The following SLC35D4 variants were observed in gnomAD, a reference collection of about 807,000 sequenced individuals.
SLC35D4 encodes UDP-N-acetylglucosamine transporter SLC35D4.
the SLC35D4 span, among the ~76,000 whole-genome samples, chr18:23,358,476 A>T: frequency 6.6e-6 from 1 of 152,176 alleles, no homozygotes; most frequent in Admixed American, 6.5e-5. Context: ...GTCCTCGGGA[A>T]ATCATAACCC....
the SLC35D4 span, among the ~76,000 whole-genome samples, chr18:23,263,660 C>T: frequency 6.6e-6 from 1 of 152,230 alleles, no homozygotes; most frequent in Non-Finnish European, 1.5e-5. Context: ...CTACGCTCTG[C>T]GTGTTCCTTG....
At chr18:23,301,005 C>T in the SLC35D4 span, among the ~76,000 whole-genome samples, 273 of 152,356 alleles carry the variant, frequency 1.8e-3, 1 homozygote, top group African/African-American at 6.3e-3. Flanking sequence ...GCAGGCCCTG[C>T]GCCTAATGCA....
chr18:23,354,404 C>G, the SLC35D4 span, among the ~76,000 whole-genome samples: 2 of 150,860 alleles, frequency 1.3e-5, no homozygotes, highest in African/African-American at 2.4e-5. Context: ...ACCTGTAGTC[C>G]CAGCTACTCG....
At chr18:23,408,816 C>CTTTTTTTTTTTT in the SLC35D4 span, among the ~76,000 whole-genome samples, 1 of 114,836 alleles carries the variant, frequency 8.7e-6, no homozygotes. Context: ...TCTTATCTCT[C>CTTTTTTTTTTTT]TTTTTTTTTT....
the SLC35D4 span, among the ~76,000 whole-genome samples, chr18:23,350,466 C>T: frequency 6.6e-6 from 1 of 152,138 alleles, no homozygotes; most frequent in Non-Finnish European, 1.5e-5. Flanking sequence ...CTAGCTCTTT[C>T]ACAGCTCCTC....
chr18:23,409,920 C>T, the SLC35D4 span, among the ~76,000 whole-genome samples: 1 of 150,606 alleles, frequency 6.6e-6, no homozygotes, highest in Non-Finnish European at 1.5e-5. Context: ...CCATTATTCT[C>T]TAAACAATAC....
the SLC35D4 span, among the ~76,000 whole-genome samples, chr18:23,263,286 G>A: frequency 1.3e-5 from 2 of 152,186 alleles, no homozygotes; most frequent in Non-Finnish European, 2.9e-5. Flanking sequence ...AGTTAGAGGA[G>A]GTCTTCTGAT....
chr18:23,428,048 T>A, the SLC35D4 span, among the ~76,000 whole-genome samples: 2 of 152,018 alleles, frequency 1.3e-5, no homozygotes, highest in Admixed American at 6.5e-5. Context: ...AGGGATAGCA[T>A]TAGGAGATAC....
the SLC35D4 span, among the ~76,000 whole-genome samples, chr18:23,320,482 T>C: frequency 1.3e-5 from 2 of 152,276 alleles, no homozygotes; most frequent in Admixed American, 6.5e-5. Context: ...GTTCTGTTCC[T>C]ATTATCTTTC....
chr18:23,419,460 T>C, the SLC35D4 span, among the ~76,000 whole-genome samples: 4 of 151,952 alleles, frequency 2.6e-5, no homozygotes. Context: ...GCCCAGCTAA[T>C]TGTGTATTTT....
At chr18:23,293,301 T>C in the SLC35D4 span, among the ~76,000 whole-genome samples, 1 of 152,138 alleles carries the variant, frequency 6.6e-6, no homozygotes, top group Non-Finnish European at 1.5e-5. Flanking sequence ...AGACATATCA[T>C]GGGAGCCACA....
the SLC35D4 span, among the ~76,000 whole-genome samples, chr18:23,276,934 C>T: frequency 6.6e-6 from 1 of 152,350 alleles, no homozygotes; most frequent in African/African-American, 2.4e-5. Flanking sequence ...TGCTCTGCTC[C>T]TCTTACCTTT....
the SLC35D4 span, among the ~76,000 whole-genome samples, chr18:23,336,538 A>C: frequency 6.6e-6 from 1 of 152,260 alleles, no homozygotes. Context: ...TATAAAAGTT[A>C]CATTACAGTA....
At chr18:23,292,252 G>A in the SLC35D4 span, among the ~76,000 whole-genome samples, 1 of 152,064 alleles carries the variant, frequency 6.6e-6, no homozygotes, top group Non-Finnish European at 1.5e-5. Flanking sequence ...TTCAATCTTC[G>A]AGCTCCTCAC....
the SLC35D4 span, among the ~76,000 whole-genome samples, chr18:23,341,470 C>T: frequency 5.3e-5 from 8 of 152,180 alleles, no homozygotes; most frequent in Admixed American, 1.3e-4. Context: ...GAAGGCCCCT[C>T]GGCCCCCTTA....
chr18:23,419,281 A>ATTTCTTTTT, the SLC35D4 span, among the ~76,000 whole-genome samples: 1 of 151,750 alleles, frequency 6.6e-6, no homozygotes, highest in African/African-American at 2.4e-5. Flanking sequence ...GGTCTTTAAA[A>ATTTCTTTTT]TTTCTTTTTT....
At chr18:23,428,533 T>G in the SLC35D4 span, among the ~76,000 whole-genome samples, 18 of 152,322 alleles carry the variant, frequency 1.2e-4, no homozygotes, top group East Asian at 3.5e-3. Context: ...TTTTTATGTT[T>G]TTTAGACAGG....
chr18:23,341,842 C>T, the SLC35D4 span, among the ~76,000 whole-genome samples: 10 of 152,160 alleles, frequency 6.6e-5, no homozygotes, highest in Non-Finnish European at 1.5e-4. Context: ...CATTAAACCA[C>T]AGCAGCCAAT....
the SLC35D4 span, among the ~76,000 whole-genome samples, chr18:23,393,683 T>A: frequency 6.6e-6 from 1 of 152,182 alleles, no homozygotes; most frequent in East Asian, 1.9e-4. Context: ...AATGGTGCAA[T>A]CTTGGCTCAC....
Sources: gnomAD v4.1 joint callset for allele counts (sites outside exome capture counted in the v4.1 genomes callset) on GRCh38, gnomAD v4.1.1 for gene constraint, MANE v1.5 for transcripts, NCBI Gene and HGNC (gene_info 2026-07-23, HGNC 2026-07-21) for gene names.